RNGTT: variants seen among roughly 807,000 people sequenced by gnomAD.
RNGTT encodes the protein RNA guanylyltransferase and 5'-phosphatase, also known as mRNA-capping enzyme.
RNGTT carries 33 observed loss-of-function variants against 79.3 expected under a neutral mutation model. The observed-to-expected ratio is 0.42, with a 90% CI of 0.32 to 0.56. The LOEUF (loss-of-function observed/expected upper bound fraction) is 0.56, where lower values mean the gene tolerates loss of function less well. Ranked by LOEUF, RNGTT falls within the 20% of genes least tolerant of loss-of-function variation. The pLI is 0.17. For synonymous variants in RNGTT, 222 were observed against 235.9 expected (o/e 0.94, Z 0.54); for missense variants, 497 against 739.1 (o/e 0.67, Z 3.80).
chr6:88,694,260 G>A (rs1030105663), intron 13 of RNGTT, among the ~76,000 whole-genome samples: 13 of 152,038 alleles, frequency 8.6e-5, no homozygotes, highest in African/African-American at 2.7e-4. Flanking sequence ...ATACAGTCAA[G>A]TTGTAGAATA....
chr6:88,675,254 C>T (rs533096054), intron 14 of RNGTT, among the ~76,000 whole-genome samples: 22 of 152,078 alleles, frequency 1.4e-4, no homozygotes, highest in Admixed American at 6.5e-4. Flanking sequence ...AATCAATTAA[C>T]CAACCCTCAA....
intron 14 of RNGTT, among the ~76,000 whole-genome samples, chr6:88,629,843 A>G (rs945859405): frequency 6.6e-6 from 1 of 152,212 alleles, no homozygotes; most frequent in Non-Finnish European, 1.5e-5. Flanking sequence ...TAATGAAATT[A>G]TATATCAGGT....
At chr6:88,640,566 G>GAAAAAAAAAAAAAAGAAAAA (rs72031584) in intron 14 of RNGTT, among the ~76,000 whole-genome samples, 2 of 128,900 alleles carry the variant, frequency 1.6e-5, no homozygotes, top group Non-Finnish European at 3.4e-5. Flanking sequence ...AAAAAGAAAA[G>GAAAAAAAAAAAAAAGAAAAA]AAAAAAAAAA....
At chr6:88,743,028 G>A (rs559161679) in intron 13 of RNGTT, among the ~76,000 whole-genome samples, 8 of 152,110 alleles carry the variant, frequency 5.3e-5, no homozygotes, top group South Asian at 4.1e-4. Context: ...GTGAAGATAC[G>A]CTATATTTCC....
chr6:88,961,554 G>A (rs1268253180), intron 1 of RNGTT, among the ~76,000 whole-genome samples: 4 of 151,604 alleles, frequency 2.6e-5, no homozygotes, highest in African/African-American at 7.3e-5. Context: ...CCCCTGCCTC[G>A]GCCTCCCGAG....
chr6:88,937,599 TG>T (rs1784709088), intron 2 of RNGTT, among the ~76,000 whole-genome samples: 1 of 152,192 alleles, frequency 6.6e-6, no homozygotes, highest in Non-Finnish European at 1.5e-5. Context: ...TACAAATTTT[TG>T]GTTTGTTCTT....
At chr6:88,915,906 T>C (rs959956325) in intron 4 of RNGTT, among the ~76,000 whole-genome samples, 1 of 152,210 alleles carries the variant, frequency 6.6e-6, no homozygotes, top group African/African-American at 2.4e-5. Context: ...AAAATTTTTT[T>C]TTAAAACTGT....
chr6:88,833,895 A>T (rs899174331), intron 11 of RNGTT, among the ~76,000 whole-genome samples: 2 of 152,082 alleles, frequency 1.3e-5, no homozygotes, highest in South Asian at 2.1e-4. Flanking sequence ...GGTGGCGCAC[A>T]CCTGATATCT....
intron 13 of RNGTT, among the ~76,000 whole-genome samples, chr6:88,740,663 A>G (rs142776034): frequency 2.3e-3 from 356 of 152,302 alleles, no homozygotes; most frequent in Non-Finnish European, 3.5e-3. Context: ...ACACAGGAAC[A>G]GAAAACCAAA....
rs146059175 is a variant in RNGTT at position 88,665,896 on chromosome 6, G to A, written c.1506+12457C>T. ...GCACCTGGAGGACTATGGGTATAAGGTGTCCAAGAAGAAAGCTCAGATCTG... is the reference window on the plus strand; with the variant it reads ...GCACCTGGAGGACTATGGGTATAAGATGTCCAAGAAGAAAGCTCAGATCTG... On this transcript the variant is annotated intron_variant, in intron 14 of 15. Transcript: ENST00000369485. Among the ~76,000 whole-genome samples, 1,264 of 152,332 alleles carry A rather than the reference G, an allele frequency of 8.3e-3. 63 individuals carry two copies. The highest frequency in any genetic ancestry group is 0.074 in the Admixed American group (1,131 of 15,300).
intron 13 of RNGTT, among the ~76,000 whole-genome samples, chr6:88,722,177 A>C (rs183123181): frequency 1.6e-4 from 25 of 151,870 alleles, no homozygotes; most frequent in Admixed American, 7.2e-4. Flanking sequence ...CAAAATGTTT[A>C]GAGTAAATTC....
chr6:88,933,267 T>C (rs184772482), intron 2 of RNGTT, among the ~76,000 whole-genome samples: 1 of 152,352 alleles, frequency 6.6e-6, no homozygotes, highest in African/African-American at 2.4e-5. Flanking sequence ...GTTAAGAGTA[T>C]TTCAAGTTCT....
intron 13 of RNGTT, among the ~76,000 whole-genome samples, chr6:88,711,460 A>G (rs1776315807): frequency 6.6e-6 from 1 of 152,196 alleles, no homozygotes; most frequent in African/African-American, 2.4e-5. Context: ...TCTTAACCAA[A>G]CTAATCTTGG....
In RNGTT at chr6:88,955,419, G is replaced by A. The variant is rs527889764; in HGVS notation, c.64+7927C>T. 1.8e-3 allele frequency among the ~76,000 whole-genome samples: 279 copies of A among 151,762 alleles called. 2 individuals are homozygous for A. Among genetic ancestry groups the A allele is most frequent in the African/African-American group, 5.5e-3 (229 of 41,382 alleles). ...CAAAAAATTAGCCAGGCATGGTGGC[G>A]GGCGCCTGTAATCCTAGCTGCTCAG... On this transcript the variant is annotated intron_variant, in intron 1 of 15. Transcript: ENST00000369485.
At chr6:88,696,095 AC>A (rs1263872140) in intron 13 of RNGTT, among the ~76,000 whole-genome samples, 2 of 152,216 alleles carry the variant, frequency 1.3e-5, no homozygotes, top group Non-Finnish European at 2.9e-5. Flanking sequence ...CATAATGACT[AC>A]AGTTAATAAC....
intron 13 of RNGTT, among the ~76,000 whole-genome samples, chr6:88,761,014 G>T (rs62429140): frequency 1.3e-5 from 1 of 79,458 alleles, no homozygotes; most frequent in Non-Finnish European, 2.5e-5. Flanking sequence ...TGAAGCAAAA[G>T]AAATACACAC....
In RNGTT at chr6:88,776,405, C is replaced by T. The variant is rs183704371; in HGVS notation, c.1339-6531G>A. ...CGCAATCTCAGCTCACCGCAACCTCCGCCTCCCAGGTTCAAGTGATTCTCC... is the reference window on the plus strand; with the variant it reads ...CGCAATCTCAGCTCACCGCAACCTCTGCCTCCCAGGTTCAAGTGATTCTCC... On this transcript the variant is annotated intron_variant, in intron 12 of 15. Coordinates refer to ENST00000369485, the MANE Select transcript of RNGTT (RefSeq NM_003800.5). 6.0e-3 allele frequency among the ~76,000 whole-genome samples: 914 copies of T among 151,628 alleles called. 5 individuals carry two copies. The highest frequency in any genetic ancestry group is 0.018 in the South Asian group (85 of 4,794).
At chr6:88,813,320 G>C (rs1780205517) in intron 11 of RNGTT, among the ~76,000 whole-genome samples, 1 of 152,084 alleles carries the variant, frequency 6.6e-6, no homozygotes, top group South Asian at 2.1e-4. Flanking sequence ...ATAAATAGCT[G>C]TGCATGCCTG....
At chr6:88,865,333 T>TA (rs1257537191) in intron 8 of RNGTT, among the ~76,000 whole-genome samples, 1 of 152,028 alleles carries the variant, frequency 6.6e-6, no homozygotes, top group Non-Finnish European at 1.5e-5. Flanking sequence ...AAAGAAGAGT[T>TA]AGAGTTGGGG....
Sources: gnomAD v4.1 joint callset for allele counts (sites outside exome capture counted in the v4.1 genomes callset) on GRCh38, gnomAD v4.1.1 for gene constraint, MANE v1.5 for transcripts, NCBI Gene and HGNC (gene_info 2026-07-23, HGNC 2026-07-21) for gene names.